Variants in PDIK1L observed in about 807,000 individuals in gnomAD.
The protein encoded by PDIK1L is PDLIM1 interacting kinase 1 like.
In PDIK1L, 9 loss-of-function variants were observed where a neutral mutation model predicts 27.1. The ratio of observed to expected loss-of-function variants is 0.33; its 90% confidence interval spans 0.20 to 0.58. PDIK1L has a LOEUF of 0.58. Among genes scored for constraint, PDIK1L ranks in the 20% least tolerant of loss-of-function variants. The probability of loss-of-function intolerance (pLI) is 0.86; values close to 1 mark genes in which losing one functional copy is unlikely to be tolerated. For synonymous variants in PDIK1L, 130 were observed against 141.7 expected, an observed-to-expected ratio of 0.92 and a Z score of 0.59; for missense variants, 216 against 413.2, an observed-to-expected ratio of 0.52 and a Z score of 4.14.
rs966087317 is a variant in PDIK1L, at chr1:26,124,509, GATTC to G, written c.*1935_*1938del. 2.6e-5 allele frequency: 4 copies of G among 152,148 alleles called. No homozygotes were observed. The highest frequency in any genetic ancestry group is 4.4e-5 in the Non-Finnish European group (3 of 67,998). 9.4% of individuals were successfully genotyped at this position (152,148 alleles called of 1,614,324 possible). ...GTCAATAACATGGCACTTCAGCAGA[GATTC>G]ATAGATGATGGTATGCCCATGCATC... On this transcript the variant is annotated 3_prime_UTR_variant, in exon 3 of 3. Transcript: ENST00000374269.
chr1:26,111,200 C>CCGCCGT (rs2087786392), upstream of PDIK1L: 2 of 158,168 alleles, frequency 1.3e-5, no homozygotes, highest in African/African-American at 4.8e-5. This position sits in a 1 kb window ranked among gnomAD's most constrained non-coding sequence, Gnocchi z 4.0. Context: ...GCCGCCGCCG[C>CCGCCGT]CGCCGTCTCC....
At chr1:26,117,555 A>G (rs1192421034) in intron 2 of PDIK1L, among the ~76,000 whole-genome samples, 2 of 152,012 alleles carry the variant, frequency 1.3e-5, no homozygotes, top group East Asian at 3.9e-4. Flanking sequence ...GGAGTCTGAA[A>G]CCAGCCTCGG....
At chr1:26,117,704 C>T (rs2087903669) in intron 2 of PDIK1L, among the ~76,000 whole-genome samples, 1 of 152,134 alleles carries the variant, frequency 6.6e-6, no homozygotes, top group Non-Finnish European at 1.5e-5. Context: ...GATCATGTCA[C>T]TGCACTCCAG....
Position 26,120,675 on chromosome 1 carries a change from C to T in PDIK1L, c.286-1162C>T, listed in dbSNP as rs145440530. Among the ~76,000 whole-genome samples the T allele has an allele frequency of 1.0e-3, 158 of 152,260 alleles. 1 individual carries two copies. Among genetic ancestry groups the T allele is most frequent in the Middle Eastern group, 6.8e-3 (2 of 294 alleles). On this transcript the variant is annotated intron_variant, in intron 2 of 2. Coordinates refer to ENST00000374269, the MANE Select transcript of PDIK1L (RefSeq NM_152835.5). Reference sequence around the variant, plus strand: ...GCTTTTAAAAGACAATATACGGGGCCGGGTGCCATGGCTCATGCCTATAGT... The same window carrying T: ...GCTTTTAAAAGACAATATACGGGGCTGGGTGCCATGGCTCATGCCTATAGT...
chr1:26,122,327 C>T lies in PDIK1L; in HGVS notation c.776C>T (p.Thr259Ile), dbSNP rs770756971. The T allele has an allele frequency of 1.2e-6, 2 of 1,614,148 alleles. No individual in the cohort carries two copies. The highest frequency in any genetic ancestry group is 8.5e-7 in the Non-Finnish European group (1 of 1,180,018). Residue 259 changes from threonine to isoleucine, a missense_variant, in exon 3 of 3, where the codon ACA becomes ATA. Around this residue, in one of 2 missense-constraint regions of PDIK1L, gnomAD observed 169 missense variants for 366.0 expected, o/e 0.46. Coordinates refer to ENST00000374269, the MANE Select transcript of PDIK1L (RefSeq NM_152835.5). The surrounding 1 kb of genome is among the most constrained non-coding windows in gnomAD (Gnocchi z 5.4). ...AMLERITFID[T>I]ETKKELLGSY... Reference sequence around the variant, plus strand: ...CTGGAAAGGATCACATTCATAGACACAGAGACAAAGAAGGAACTCTTGGGG... The same window carrying T: ...CTGGAAAGGATCACATTCATAGACATAGAGACAAAGAAGGAACTCTTGGGG...
In PDIK1L at chr1:26,121,826, C is replaced by T. The variant is rs1255484374; in HGVS notation, c.286-11C>T. 8.8e-6 allele frequency: 14 copies of T among 1,583,840 alleles called. No individual in the cohort carries two copies. The highest frequency in any genetic ancestry group is 1.7e-4 in the Middle Eastern group (1 of 5,884). ...GCAAATGATTGTAATCTTTTTTCTT[C>T]CTTCTTGTAGCTTGTAGAAACTTCA... is the stretch of plus-strand genomic sequence containing the variant. On this transcript the variant is annotated splice_polypyrimidine_tract_variant and intron_variant, in intron 2 of 2. Coordinates refer to ENST00000374269, the MANE Select transcript of PDIK1L (RefSeq NM_152835.5).
intron 2 of PDIK1L, among the ~76,000 whole-genome samples, chr1:26,115,755 T>G (rs1318529061): frequency 6.6e-6 from 1 of 150,754 alleles, no homozygotes; most frequent in Non-Finnish European, 1.5e-5. Context: ...TGAGCCGAGA[T>G]CGCGCCACTG....
chr1:26,122,691 G>T lies in PDIK1L; in HGVS notation c.*114G>T. On this transcript the variant is annotated 3_prime_UTR_variant, in exon 3 of 3. Coordinates refer to ENST00000374269, the MANE Select transcript of PDIK1L (RefSeq NM_152835.5). This position sits in a 1 kb window ranked among gnomAD's most constrained non-coding sequence, Gnocchi z 5.4. Reference sequence around the variant, plus strand: ...CTAGACTCTACCCTCTAAGGGTTTAGATTTTTTGTGGGATTTTTTTTTTCC... The same window carrying T: ...CTAGACTCTACCCTCTAAGGGTTTATATTTTTTGTGGGATTTTTTTTTTCC... The T allele has an allele frequency of 8.0e-7, 1 of 1,246,042 alleles. No individual in the cohort carries two copies. The highest frequency in any genetic ancestry group is 1.5e-5 in the African/African-American group (1 of 65,774). 77.2% of individuals were successfully genotyped at this position (1,246,042 alleles called of 1,614,324 possible).
chr1:26,120,785 C>T (rs1351904568), intron 2 of PDIK1L, among the ~76,000 whole-genome samples: 1 of 152,094 alleles, frequency 6.6e-6, no homozygotes, highest in Non-Finnish European at 1.5e-5. Context: ...AACCCCGTCT[C>T]TACTAAAAAT....
intron 2 of PDIK1L, among the ~76,000 whole-genome samples, chr1:26,116,062 G>T (rs1472358466): frequency 6.6e-6 from 1 of 152,000 alleles, no homozygotes. Context: ...AATTAGCCTG[G>T]CATGATAACG....
rs562876499 is a variant in PDIK1L, at chr1:26,120,196, G to T, written c.286-1641G>T. Among the ~76,000 whole-genome samples the T allele has an allele frequency of 1.6e-4, 24 of 152,272 alleles. No homozygotes were observed. In the South Asian group the frequency reaches 5.0e-3, roughly 32 times the overall value. ...GTAAAAAAGAAAGGAAGAAGTATAT[G>T]GTACAGAGACCTTATGTGGCTGTCA... is the stretch of plus-strand genomic sequence containing the variant. On this transcript the variant is annotated intron_variant, in intron 2 of 2. Coordinates refer to ENST00000374269, the MANE Select transcript of PDIK1L (RefSeq NM_152835.5).
intron 2 of PDIK1L, among the ~76,000 whole-genome samples, chr1:26,118,991 C>T (rs564800445): frequency 6.6e-6 from 1 of 152,290 alleles, no homozygotes; most frequent in Non-Finnish European, 1.5e-5. Context: ...AAACAATTAA[C>T]AGAGGTTACA....
Position 26,125,219 on chromosome 1 carries a change from T to G in PDIK1L, c.*2642T>G, listed in dbSNP as rs2088057506. The G allele has an allele frequency of 2.0e-5, 3 of 152,636 alleles. No homozygotes were observed. The highest frequency in any genetic ancestry group is 4.4e-5 in the Non-Finnish European group (3 of 68,020). The allele number at this position is 152,636 out of a possible 1,614,324, so 9.5% of individuals were successfully genotyped here. A position where few individuals can be genotyped will look rare whatever the true frequency, so the allele number is the denominator to read the frequency against. ...TTTGGTGCTAAGGGATACTTTGTCATTATGATGAAGTAAGTGTTAAGTGTC... is the reference window on the plus strand; with the variant it reads ...TTTGGTGCTAAGGGATACTTTGTCAGTATGATGAAGTAAGTGTTAAGTGTC... On this transcript the variant is annotated 3_prime_UTR_variant, in exon 3 of 3. Coordinates refer to ENST00000374269, the MANE Select transcript of PDIK1L (RefSeq NM_152835.5).
chr1:26,111,599 C>T (rs984444069), upstream of PDIK1L, among the ~76,000 whole-genome samples: 6 of 151,458 alleles, frequency 4.0e-5, no homozygotes, highest in African/African-American at 7.3e-5. The surrounding 1 kb of genome is among the most constrained non-coding windows in gnomAD (Gnocchi z 4.0). Context: ...CCCGGCCACC[C>T]CTGCGGGGAG....
Position 26,114,645 on chromosome 1 carries a change from G to A in PDIK1L, c.285+52G>A, listed in dbSNP as rs778490721. 7 of 1,574,752 alleles carry A rather than the reference G, an allele frequency of 4.4e-6. No homozygotes were observed. The African/African-American group carries it at 6.8e-5, about 15-fold the overall frequency. On this transcript the variant is annotated intron_variant, in intron 2 of 2. Coordinates refer to ENST00000374269, the MANE Select transcript of PDIK1L (RefSeq NM_152835.5). The surrounding 1 kb of genome is among the most constrained non-coding windows in gnomAD (Gnocchi z 4.8). ...AATGATTTGAACATGGCATTGGCCA[G>A]CAAGAAGAGGAATGAAAGGGTCAGA...
intron 1 of PDIK1L, among the ~76,000 whole-genome samples, chr1:26,113,713 C>G (rs1221996121): frequency 6.6e-6 from 1 of 152,136 alleles, no homozygotes; most frequent in African/African-American, 2.4e-5. Flanking sequence ...GTTTGTATTT[C>G]TAACTGTGAG....
intron 2 of PDIK1L, among the ~76,000 whole-genome samples, chr1:26,121,123 T>C (rs2087979760): frequency 1.3e-5 from 2 of 152,260 alleles, no homozygotes; most frequent in Admixed American, 1.3e-4. Flanking sequence ...AATATACAAA[T>C]TCAGAGTTGA....
At chr1:26,116,798 C>T (rs1037092877) in intron 2 of PDIK1L, among the ~76,000 whole-genome samples, 5 of 152,082 alleles carry the variant, frequency 3.3e-5, no homozygotes, top group African/African-American at 1.2e-4. Context: ...TTACTGCCAC[C>T]TCCGCCTCCC....
intron 2 of PDIK1L, among the ~76,000 whole-genome samples, chr1:26,117,252 G>A (rs2087894874): frequency 6.6e-6 from 1 of 151,174 alleles, no homozygotes; most frequent in African/African-American, 2.4e-5. Flanking sequence ...GGCTGGTCTC[G>A]AACTCCAGAC....
Sources: gnomAD v4.1 joint callset for allele counts (sites outside exome capture counted in the v4.1 genomes callset) on GRCh38, gnomAD v4.1.1 for gene constraint, gnomAD v4.1.1 regional missense constraint, Gnocchi (gnomAD v3.1) non-coding constraint, MANE v1.5 for transcripts, NCBI Gene and HGNC (gene_info 2026-07-23, HGNC 2026-07-21) for gene names.